Variants in ENO4 observed in about 807,000 individuals in gnomAD.
ENO4 encodes 2-phospho-D-glycerate hydro-lyase.
In ENO4, 53 loss-of-function variants were observed where a neutral mutation model predicts 63.2. The ratio of observed to expected loss-of-function variants is 0.84; its 90% CI spans 0.67 to 1.05. The LOEUF is 1.05. Ranked by LOEUF, ENO4 falls within the 50% of genes least tolerant of loss-of-function variation. ENO4 has a pLI of 0.00. For synonymous variants in ENO4, 266 were observed against 283.8 expected, an observed-to-expected ratio of 0.94 and a Z score of 0.63; for missense variants, 719 against 772.0, an observed-to-expected ratio of 0.93 and a Z score of 0.81.
intron 10 of ENO4, among the ~76,000 whole-genome samples, chr10:116,906,969 G>A (rs1312220087): frequency 1.3e-5 from 2 of 152,154 alleles, no homozygotes; most frequent in African/African-American, 2.4e-5. Context: ...GCTAGCTTTT[G>A]TTTCAGAAGA....
At chr10:116,885,621 G>A (rs1847142364), downstream of ENO4, 1 of 152,468 alleles carries the variant, frequency 6.6e-6, no homozygotes, top group Non-Finnish European at 1.5e-5. Flanking sequence ...AGAGCACATG[G>A]TTTACCAACT....
At chr10:116,905,962 C>T (rs1225175245) in intron 10 of ENO4, among the ~76,000 whole-genome samples, 1 of 152,224 alleles carries the variant, frequency 6.6e-6, no homozygotes, top group East Asian at 1.9e-4. Flanking sequence ...CAGACTCGCT[C>T]AGATGGTACA....
At chr10:116,895,178 A>G (rs1847474503) in intron 10 of ENO4, among the ~76,000 whole-genome samples, 1 of 152,230 alleles carries the variant, frequency 6.6e-6, no homozygotes, top group South Asian at 2.1e-4. Context: ...ATTATCATTT[A>G]GTAAAAGCAT....
intron 7 of ENO4, among the ~76,000 whole-genome samples, chr10:116,863,888 G>T (rs1213412091): frequency 6.6e-6 from 1 of 152,192 alleles, no homozygotes; most frequent in African/African-American, 2.4e-5. Context: ...CCAGCCTGTA[G>T]AGACTCAGAC....
At chr10:116,911,037 C>T (rs767441446) in intron 10 of ENO4, among the ~76,000 whole-genome samples, 4 of 152,196 alleles carry the variant, frequency 2.6e-5, no homozygotes, top group African/African-American at 7.2e-5. Context: ...CAGTCTTGTA[C>T]CTCCGCCCCC....
chr10:116,894,531 T>A (rs897523820), intron 10 of ENO4, among the ~76,000 whole-genome samples: 1 of 152,090 alleles, frequency 6.6e-6, no homozygotes, highest in Non-Finnish European at 1.5e-5. Flanking sequence ...ACTTGAAGAA[T>A]CTCTGGCAAT....
At chr10:116,878,866 C>T (rs886440153) in intron 11 of ENO4, among the ~76,000 whole-genome samples, 1 of 151,462 alleles carries the variant, frequency 6.6e-6, no homozygotes, top group African/African-American at 2.4e-5. Context: ...GCCTCAGCCT[C>T]GCGAGTAGCT....
chr10:116,865,166 A>T (rs1263663297), intron 7 of ENO4, among the ~76,000 whole-genome samples: 3 of 152,174 alleles, frequency 2.0e-5, no homozygotes, highest in Non-Finnish European at 4.4e-5. Flanking sequence ...AATTCTTTAC[A>T]TAATAAGGGA....
At chr10:116,880,200 C>A (rs985372510) in intron 13 of ENO4, among the ~76,000 whole-genome samples, 1 of 152,114 alleles carries the variant, frequency 6.6e-6, no homozygotes, top group Non-Finnish European at 1.5e-5. Context: ...CGCCCTTTTT[C>A]TTGATGAATA....
intron 2 of ENO4, among the ~76,000 whole-genome samples, chr10:116,856,262 T>C (rs766551123): frequency 2.0e-5 from 3 of 152,310 alleles, no homozygotes; most frequent in Non-Finnish European, 4.4e-5. Context: ...GAGGTAGTGA[T>C]AAAAATGAAG....
chr10:116,867,752 C>T (rs1349110777), intron 7 of ENO4, among the ~76,000 whole-genome samples: 2 of 152,190 alleles, frequency 1.3e-5, no homozygotes, highest in Admixed American at 6.5e-5. Flanking sequence ...GAAAAACATA[C>T]TTCCTGTCCT....
chr10:116,886,193 GT>G, downstream of ENO4: 1 of 1,097,110 alleles, frequency 9.1e-7, no homozygotes, highest in East Asian at 2.6e-5. Context: ...TATGTTTATA[GT>G]TGCTACTTAC....
intron 10 of ENO4, chr10:116,911,377 C>A: frequency 7.6e-7 from 1 of 1,307,734 alleles, no homozygotes; most frequent in Non-Finnish European, 1.0e-6. Context: ...TGATATGAAG[C>A]TATTTGGGGA....
chr10:116,861,031 ATTTTCCCTCG>A lies in ENO4; in HGVS notation c.805-20_805-11del. 6.5e-7 allele frequency: 1 copy of A among 1,542,446 alleles called. No individual in the cohort carries two copies. On this transcript the variant is annotated intron_variant, in intron 5 of 13. Transcript: ENST00000341276. The stretch of plus-strand genomic sequence containing the variant: ...TCAATATGGATGAACCCTGTTTCTC[ATTTTCCCTCG>A]TTTTCCCCCTATTTCAGGAACAGCC...
At chr10:116,877,680 A>C (rs1213640339) in intron 11 of ENO4, among the ~76,000 whole-genome samples, 1 of 152,150 alleles carries the variant, frequency 6.6e-6, no homozygotes, top group East Asian at 1.9e-4. Context: ...GGATCCCAGC[A>C]ATGGGGATCA....
intron 7 of ENO4, among the ~76,000 whole-genome samples, chr10:116,867,462 G>A (rs554830703): frequency 4.5e-4 from 67 of 150,408 alleles, no homozygotes; most frequent in African/African-American, 5.6e-4. Flanking sequence ...GGCGGTGCAC[G>A]CTTGTTGTCC....
intron 1 of ENO4, among the ~76,000 whole-genome samples, chr10:116,850,534 G>A (rs577994648): frequency 6.6e-6 from 1 of 152,082 alleles, no homozygotes; most frequent in East Asian, 1.9e-4. Context: ...TGTGGCTGGG[G>A]CCCCTAGGAG....
intron 10 of ENO4, among the ~76,000 whole-genome samples, chr10:116,910,795 T>A (rs1378276158): frequency 6.6e-6 from 1 of 152,220 alleles, no homozygotes; most frequent in Non-Finnish European, 1.5e-5. Flanking sequence ...ACATGCTTTT[T>A]CAATGGCTTT....
chr10:116,911,129 A>C (rs1408925927), intron 10 of ENO4, among the ~76,000 whole-genome samples: 2 of 152,166 alleles, frequency 1.3e-5, no homozygotes, highest in African/African-American at 4.8e-5. Context: ...TATCTGAAAC[A>C]TTTTCTAAGT....
Sources: allele counts gnomAD v4.1 joint callset (sites outside exome capture counted in the v4.1 genomes callset), GRCh38; gene constraint gnomAD v4.1.1; transcripts MANE v1.5; gene names NCBI Gene and HGNC (gene_info 2026-07-23, HGNC 2026-07-21).